The following NLRC3 variants were observed in gnomAD, a reference collection of about 807,000 sequenced individuals.
NLRC3 encodes the protein NLR family CARD domain containing 3.
A neutral mutation model predicts 91.6 loss-of-function variants in NLRC3; 87 were observed. The ratio of observed to expected loss-of-function variants is 0.95; its 90% CI spans 0.80 to 1.14. The LOEUF is 1.14. NLRC3 is among the 50% of genes most tolerant of loss of function. The pLI, the probability that NLRC3 is intolerant of heterozygous loss-of-function variation, is 0.00. For synonymous variants in NLRC3, 694 were observed against 625.3 expected (o/e 1.11, Z -1.64); for missense variants, 1,577 against 1,418.6 (o/e 1.11, Z -1.79).
rs1170341591 is a variant in NLRC3 at position 3,539,656 on chromosome 16, A to T, written c.*2169T>A. 1 of 152,212 alleles carries T rather than the reference A, an allele frequency of 6.6e-6. No homozygotes were observed. The highest frequency in any genetic ancestry group is 1.5e-5 in the Non-Finnish European group (1 of 68,032). The allele number at this position is 152,212 out of a possible 1,614,324, so 9.4% of individuals were successfully genotyped here. Reference sequence around the variant, plus strand: ...GACAGAGCATCACCTTGAAAGTACTAAAACAGCTGTCAATCTAGAAATCTC... The same window carrying T: ...GACAGAGCATCACCTTGAAAGTACTTAAACAGCTGTCAATCTAGAAATCTC... On this transcript the variant is annotated 3_prime_UTR_variant, in exon 20 of 20. Coordinates refer to ENST00000359128, the MANE Select transcript of NLRC3 (RefSeq NM_178844.4).
chr16:3,573,750 A>G (rs1307908285), intron 1 of NLRC3, among the ~76,000 whole-genome samples: 3 of 152,210 alleles, frequency 2.0e-5, no homozygotes, highest in Non-Finnish European at 1.5e-5. Flanking sequence ...TAAAATACAC[A>G]TAACACAAAA....
In NLRC3 at chr16:3,564,693, C is replaced by T. The variant is rs61732418; in HGVS notation, c.244G>A (p.Gly82Arg). Residue 82 changes from glycine to arginine, a missense_variant, in exon 5 of 20, where the codon GGA (glycine) becomes AGA (arginine). Transcript: ENST00000359128. The surrounding 1 kb of genome is among the most constrained non-coding windows in gnomAD (Gnocchi z 5.9). Reference protein sequence around the residue: ...SKVGGGPELGGPWHRLASLLL... With the variant: ...SKVGGGPELGRPWHRLASLLL... The stretch of plus-strand genomic sequence containing the variant: ...AGGGAGGCCAGCCTGTGCCAGGGTC[C>T]GCCCAGCTCCGGGCCACCTCCCACC... 7.5e-3 allele frequency: 12,031 copies of T among 1,599,708 alleles called. 457 individuals carry two copies. In the African/African-American group the frequency reaches 0.11, roughly 14 times the overall value.
Position 3,557,675 on chromosome 16 carries a change from A to C in NLRC3, c.2017T>G (p.Leu673Val). 6.2e-7 allele frequency: 1 copy of C among 1,611,334 alleles called. No homozygotes were observed. The highest frequency in any genetic ancestry group is 8.5e-7 in the Non-Finnish European group (1 of 1,177,798). ...TTGTTACTGATCTGGTTCTCCGCCAAGCTGCCCAAGGAAAGGGAGAGGAGT... is the reference window on the plus strand; with the variant it reads ...TTGTTACTGATCTGGTTCTCCGCCACGCTGCCCAAGGAAAGGGAGAGGAGT... ...GKDCRIQKIS[L>V]AENQISNKGA... is the part of the protein sequence containing the mutation. Residue 673 changes from leucine (L) to valine (V), a missense_variant and splice_region_variant, in exon 7 of 20, where the codon TTG (leucine) becomes GTG (valine). By Grantham distance (32) the Leu-to-Val change is conservative. Transcript: ENST00000359128.
chr16:3,559,793 C>T (rs1032778931), intron 6 of NLRC3, among the ~76,000 whole-genome samples: 3 of 151,928 alleles, frequency 2.0e-5, no homozygotes, highest in Non-Finnish European at 2.9e-5. Context: ...CACCCACCAC[C>T]ACCACGACTG....
intron 12 of NLRC3, 115 bp from the exon 13 acceptor site, chr16:3,549,340 A>C (rs1317989328): frequency 3.9e-6 from 3 of 769,268 alleles, no homozygotes; most frequent in Admixed American, 2.2e-5. Context: ...GGGGACCTAG[A>C]GTTCTGCATA....
At chr16:3,566,251 G>A (rs1002067726) in intron 2 of NLRC3, among the ~76,000 whole-genome samples, 3 of 151,998 alleles carry the variant, frequency 2.0e-5, no homozygotes, top group Non-Finnish European at 4.4e-5. Context: ...CTGGGTGGGG[G>A]CAGGCATGGG....
chr16:3,561,365 G>C (rs527859998), intron 6 of NLRC3, among the ~76,000 whole-genome samples: 2 of 152,148 alleles, frequency 1.3e-5, no homozygotes, highest in East Asian at 1.9e-4. Context: ...TTATAATCCT[G>C]TGCCTAGAAT....
chr16:3,544,434 T>A, intron 15 of NLRC3, 105 bp from the exon 16 acceptor site: 1 of 748,586 alleles, frequency 1.3e-6, no homozygotes, highest in Non-Finnish European at 2.3e-6. Flanking sequence ...ACACACACCA[T>A]AGACACTCCC....
intron 9 of NLRC3, among the ~76,000 whole-genome samples, chr16:3,553,541 A>G (rs1274200643): frequency 6.6e-6 from 1 of 152,146 alleles, no homozygotes; most frequent in Non-Finnish European, 1.5e-5. Flanking sequence ...CTCTTGCCTG[A>G]GGACGAGGGT....
intron 11 of NLRC3, 76 bp from the exon 12 acceptor site, chr16:3,549,856 GCA>G: frequency 8.8e-6 from 9 of 1,017,900 alleles, no homozygotes; most frequent in Non-Finnish European, 1.2e-5. Flanking sequence ...GTCTGGGACA[GCA>G]GGCACTGGGC....
chr16:3,548,358 A>C (rs1274607128), intron 14 of NLRC3, 140 bp from the exon 15 acceptor site: 4 of 716,008 alleles, frequency 5.6e-6, no homozygotes, highest in Non-Finnish European at 9.5e-6. Flanking sequence ...GCCCAGACTT[A>C]GTTCTCAGAG....
rs758432797 is a variant in NLRC3, at chr16:3,564,849, C to G, written c.178+10G>C. 1.0e-5 allele frequency: 16 copies of G among 1,596,594 alleles called. No homozygotes were observed. Among genetic ancestry groups the G allele is most frequent in the Non-Finnish European group, 1.3e-5 (15 of 1,171,574 alleles). ...CCCCACCCCGCGTCTGCCTCCCAAG[C>G]CGGTCCTACCATTGCTGCAGGGCCC... On this transcript the variant is annotated intron_variant, in intron 4 of 19. Transcript: ENST00000359128. The surrounding 1 kb of genome is among the most constrained non-coding windows in gnomAD (Gnocchi z 5.9).
chr16:3,563,252 G>T lies in NLRC3; in HGVS notation c.1685C>A (p.Ala562Glu), dbSNP rs1376593287. 1.9e-6 allele frequency: 3 copies of T among 1,606,400 alleles called. No homozygotes were observed. The South Asian group carries it at 3.3e-5, about 18-fold the overall frequency. ...GCLRPDAAVCARAINVLHCLH... is the reference protein window; with the variant it reads ...GCLRPDAAVCERAINVLHCLH... ...GCAGTGCAACACGTTGATGGCCCGT[G>T]CACAGACTGCGGCATCGGGGCGCAG... Residue 562 changes from alanine to glutamate, a missense_variant, in exon 5 of 20, where the codon GCA becomes GAA. Coordinates refer to ENST00000359128, the MANE Select transcript of NLRC3 (RefSeq NM_178844.4).
rs763829813 is a variant in NLRC3, at chr16:3,564,762, C to T, written c.179-4G>A. On this transcript the variant is annotated splice_polypyrimidine_tract_variant and splice_region_variant and intron_variant, in intron 4 of 19. Coordinates refer to ENST00000359128, the MANE Select transcript of NLRC3 (RefSeq NM_178844.4). This position sits in a 1 kb window ranked among gnomAD's most constrained non-coding sequence, Gnocchi z 5.9. ...CGGTGCCTCTGTATCCTTGAGTCTGCGGGACAGAGGCCAGTGGGGAGGTCT... is the reference window on the plus strand; with the variant it reads ...CGGTGCCTCTGTATCCTTGAGTCTGTGGGACAGAGGCCAGTGGGGAGGTCT... 21 of 1,571,726 alleles carry T rather than the reference C, an allele frequency of 1.3e-5. No homozygotes were observed. In the Middle Eastern group the frequency reaches 1.0e-3, roughly 76 times the overall value.
chr16:3,542,649 C>T lies in NLRC3; in HGVS notation c.3023+43G>A, dbSNP rs1343711174. 2.4e-6 allele frequency: 3 copies of T among 1,256,372 alleles called. No individual in the cohort carries two copies. The South Asian group carries it at 3.7e-5, about 16-fold the overall frequency. 77.8% of individuals were successfully genotyped at this position (1,256,372 alleles called of 1,614,324 possible). ...CCATCAGGGAGGACCCAGCAGAGAA[C>T]TCTGCTGCTCCAGGATGCAGGTAGG... On this transcript the variant is annotated intron_variant, in intron 18 of 19. Transcript: ENST00000359128.
Position 3,563,121 on chromosome 16 carries a change from A to G in NLRC3, c.1816T>C (p.Tyr606His). The G allele has an allele frequency of 6.3e-7, 1 of 1,580,512 alleles. No individual in the cohort carries two copies. Among genetic ancestry groups the G allele is most frequent in the Non-Finnish European group, 8.6e-7 (1 of 1,163,976 alleles). ...CAGGCGTCGGACACCTGCAGGAGGTAGGCCAGGGCAGCGCGGTGCGCGGGA... is the reference window on the plus strand; with the variant it reads ...CAGGCGTCGGACACCTGCAGGAGGTGGGCCAGGGCAGCGCGGTGCGCGGGA... ...TGPAHRAALAYLLQVSDACAQ... is the reference protein window; with the variant it reads ...TGPAHRAALAHLLQVSDACAQ... The change falls in exon 5 of 20, where the codon TAC becomes CAC. Residue 606 changes from tyrosine (Y) to histidine (H), a missense_variant. Transcript: ENST00000359128.
intron 11 of NLRC3, among the ~76,000 whole-genome samples, chr16:3,550,187 CAAG>C (rs1222874171): frequency 1.3e-5 from 2 of 152,196 alleles, no homozygotes; most frequent in Non-Finnish European, 2.9e-5. Context: ...GCTGGCTTCT[CAAG>C]GACACTTGGA....
rs975925327 is a variant in NLRC3 at position 3,577,329 on chromosome 16, C to G, written c.-349G>C. On this transcript the variant is annotated 5_prime_UTR_variant, in exon 1 of 20. Coordinates refer to ENST00000359128, the MANE Select transcript of NLRC3 (RefSeq NM_178844.4). ...GCACTTACCACGCCAACCAACCAAC[C>G]GTGTGGGGGCCGAGAGCAGTGCAGC... 1 of 644,602 alleles carries G rather than the reference C, an allele frequency of 1.6e-6. No homozygotes were observed. Among genetic ancestry groups the G allele is most frequent in the Non-Finnish European group, 2.8e-6 (1 of 355,212 alleles). The allele number at this position is 644,602 out of a possible 1,614,324, so 39.9% of individuals were successfully genotyped here.
chr16:3,547,239 C>CTACAA (rs2038737037), intron 15 of NLRC3, among the ~76,000 whole-genome samples: 1 of 152,188 alleles, frequency 6.6e-6, no homozygotes, highest in Non-Finnish European at 1.5e-5. Flanking sequence ...TTGAGACAGG[C>CTACAA]TACAATGTGG....
Sources: allele counts gnomAD v4.1 joint callset (sites outside exome capture counted in the v4.1 genomes callset), GRCh38; gene constraint gnomAD v4.1.1; non-coding constraint Gnocchi (gnomAD v3.1); transcripts MANE v1.5; gene names NCBI Gene and HGNC (gene_info 2026-07-23, HGNC 2026-07-21).